The following CSMD3 variants were observed in gnomAD, a reference collection of about 807,000 sequenced individuals.
CSMD3 encodes the protein CUB and sushi domain-containing protein 3.
In CSMD3, 177 loss-of-function variants were observed where a neutral mutation model predicts 435.2. The observed-to-expected ratio is 0.41, with a 90% confidence interval of 0.36 to 0.46. The LOEUF (loss-of-function observed/expected upper bound fraction) is 0.46, where lower values mean the gene tolerates loss of function less well. Among genes scored for constraint, CSMD3 ranks in the 20% least tolerant of loss-of-function variants. The probability of loss-of-function intolerance (pLI) is 0.34; values close to 1 mark genes in which losing one functional copy is unlikely to be tolerated. For missense variants in CSMD3, 4,265 were observed against 4,504.6 expected, an observed-to-expected ratio of 0.95 and a Z score of 1.52; for synonymous variants, 1,656 against 1,520.5, an observed-to-expected ratio of 1.09 and a Z score of -2.07.
At chr8:112,428,739 ACTTTG>A (rs1185937887) in intron 32 of CSMD3, among the ~76,000 whole-genome samples, 2 of 152,068 alleles carry the variant, frequency 1.3e-5, no homozygotes, top group African/African-American at 4.8e-5. Context: ...GACATGTATC[ACTTTG>A]CCAGCAGAGA....
At chr8:113,422,186 G>A (rs1366145847) in intron 1 of CSMD3, among the ~76,000 whole-genome samples, 1 of 152,108 alleles carries the variant, frequency 6.6e-6, no homozygotes, top group African/African-American at 2.4e-5. Context: ...TTTTTGTGGT[G>A]CTTCCTTCAT....
At chr8:112,964,045 C>A (rs1475607290) in intron 7 of CSMD3, among the ~76,000 whole-genome samples, 1 of 151,828 alleles carries the variant, frequency 6.6e-6, no homozygotes, top group African/African-American at 2.4e-5. Flanking sequence ...ACTGGCTGTG[C>A]ATCTAAAGCA....
At chr8:112,326,737 C>T (rs1823549235) in intron 45 of CSMD3, among the ~76,000 whole-genome samples, 1 of 152,148 alleles carries the variant, frequency 6.6e-6, no homozygotes, top group South Asian at 2.1e-4. Flanking sequence ...TATTCTTGGC[C>T]AGGCACAGTA....
chr8:112,679,085 G>GTTT lies in CSMD3; in HGVS notation c.2677+3354_2677+3356dup, dbSNP rs1195093248. Among the ~76,000 whole-genome samples the GTTT allele has an allele frequency of 6.1e-5, 7 of 115,046 alleles. No individual in the cohort carries two copies. In the East Asian group the frequency reaches 7.8e-4, roughly 13 times the overall value. 75.5% of individuals were successfully genotyped at this position (115,046 alleles called of 152,430 possible). On this transcript the variant is annotated intron_variant, in intron 16 of 70. Coordinates refer to ENST00000297405, the MANE Select transcript of CSMD3 (RefSeq NM_198123.2). ...CAGGAATGGTGGGGGGATGGGGCAG[G>GTTT]TTTTTTTTTTTTTTTTTTTAAATTA...
At chr8:112,512,184 G>C (rs1823213266) in intron 28 of CSMD3, among the ~76,000 whole-genome samples, 1 of 152,040 alleles carries the variant, frequency 6.6e-6, no homozygotes, top group African/African-American at 2.4e-5. Flanking sequence ...TGTTCTTAAT[G>C]GCATCTAAAA....
chr8:112,335,709 T>C lies in CSMD3; in HGVS notation c.7020-235A>G, dbSNP rs148634067. ...ATTTTTACTAAATGGAATGTACTCA[T>C]ATTAGTTATAATCAATACATTGTCT... On this transcript the variant is annotated intron_variant, in intron 44 of 70. Coordinates refer to ENST00000297405, the MANE Select transcript of CSMD3 (RefSeq NM_198123.2). Among the ~76,000 whole-genome samples the C allele has an allele frequency of 1.4e-3, 216 of 151,708 alleles. 7 individuals carry two copies. The East Asian group carries it at 0.04, about 28-fold the overall frequency.
At chr8:112,302,407 T>C (rs993178080) in intron 52 of CSMD3, among the ~76,000 whole-genome samples, 1 of 152,080 alleles carries the variant, frequency 6.6e-6, no homozygotes, top group Non-Finnish European at 1.5e-5. Context: ...ATAATTACAA[T>C]ATAATTTTTG....
At chr8:112,259,525 C>T (rs187401826) in intron 61 of CSMD3, among the ~76,000 whole-genome samples, 1 of 152,042 alleles carries the variant, frequency 6.6e-6, no homozygotes, top group African/African-American at 2.4e-5. Context: ...ACCACCATGG[C>T]ATGTGTATAC....
At chr8:113,418,489 A>G (rs1024691559) in intron 1 of CSMD3, among the ~76,000 whole-genome samples, 2 of 152,150 alleles carry the variant, frequency 1.3e-5, no homozygotes, top group African/African-American at 4.8e-5. Context: ...AATACCAGAA[A>G]GATGTGGTTA....
chr8:112,842,785 C>A (rs1296657515), intron 11 of CSMD3, among the ~76,000 whole-genome samples: 1 of 151,626 alleles, frequency 6.6e-6, no homozygotes, highest in Non-Finnish European at 1.5e-5. Context: ...AAAGGACATA[C>A]AATGAATATT....
chr8:112,306,253 A>G (rs1471826851), intron 50 of CSMD3, 61 bp from the exon 51 acceptor site: 2 of 1,198,672 alleles, frequency 1.7e-6, no homozygotes, highest in East Asian at 4.9e-5. Flanking sequence ...TTTATTAGGT[A>G]ACTCTGCTGA....
intron 1 of CSMD3, among the ~76,000 whole-genome samples, chr8:113,432,254 G>A (rs925478272): frequency 1.5e-4 from 23 of 152,252 alleles, no homozygotes; most frequent in African/African-American, 4.8e-4. Context: ...TCTGGTAACC[G>A]TTCAAGCCCT....
intron 38 of CSMD3, among the ~76,000 whole-genome samples, chr8:112,353,502 C>A (rs906394993): frequency 6.6e-6 from 1 of 152,140 alleles, no homozygotes; most frequent in Non-Finnish European, 1.5e-5. Context: ...TAATTCAAAA[C>A]ACTTTCATTA....
At chr8:112,931,173 T>C (rs1018832484) in intron 9 of CSMD3, among the ~76,000 whole-genome samples, 10 of 152,062 alleles carry the variant, frequency 6.6e-5, no homozygotes, top group Non-Finnish European at 1.0e-4. Context: ...TATGTTGCTA[T>C]GCCTCTTTCA....
chr8:113,017,635 G>A (rs2086518188), intron 6 of CSMD3, among the ~76,000 whole-genome samples: 1 of 151,842 alleles, frequency 6.6e-6, no homozygotes, highest in Admixed American at 6.6e-5. Context: ...AGGAATCAGA[G>A]CCACAGAGTT....
chr8:112,793,244 G>A (rs1251011767), intron 13 of CSMD3, among the ~76,000 whole-genome samples: 2 of 147,518 alleles, frequency 1.4e-5, no homozygotes, highest in Non-Finnish European at 3.0e-5. Context: ...AGACACAGGT[G>A]CTAAGATAAA....
intron 1 of CSMD3, among the ~76,000 whole-genome samples, chr8:113,365,248 C>CT (rs1322348705): frequency 6.6e-6 from 1 of 152,006 alleles, no homozygotes; most frequent in Non-Finnish European, 1.5e-5. Flanking sequence ...AACTAAACTG[C>CT]TATTAAGGAT....
At chr8:113,366,867 C>T (rs1292257049) in intron 1 of CSMD3, among the ~76,000 whole-genome samples, 4 of 152,084 alleles carry the variant, frequency 2.6e-5, no homozygotes, top group East Asian at 1.9e-4. Context: ...TTATACAAGA[C>T]AAAAACTAGA....
chr8:113,428,992 C>T (rs575455644), intron 1 of CSMD3, among the ~76,000 whole-genome samples: 3 of 151,698 alleles, frequency 2.0e-5, no homozygotes, highest in Non-Finnish European at 4.4e-5. Flanking sequence ...TCTTCATAAT[C>T]TTAAACATTA....
Sources: gnomAD v4.1 joint callset for allele counts (sites outside exome capture counted in the v4.1 genomes callset) on GRCh38, gnomAD v4.1.1 for gene constraint, MANE v1.5 for transcripts, NCBI Gene and HGNC (gene_info 2026-07-23, HGNC 2026-07-21) for gene names.